DCC: variants seen among roughly 807,000 people sequenced by gnomAD.
The protein encoded by DCC is netrin receptor DCC.
Under a neutral mutation model 172.5 loss-of-function variants are expected in DCC, and 58 were observed. The ratio of observed to expected loss-of-function variants is 0.34; its 90% CI spans 0.27 to 0.42. The LOEUF (loss-of-function observed/expected upper bound fraction) is 0.42, where lower values mean the gene tolerates loss of function less well. Among genes scored for constraint, DCC ranks in the 10% least tolerant of loss-of-function variants. DCC has a pLI of 1.00. For missense variants in DCC, 1,740 were observed against 1,791.0 expected (o/e 0.97, Z 0.51); for synonymous variants, 709 against 644.5 (o/e 1.10, Z -1.52).
intron 12 of DCC, among the ~76,000 whole-genome samples, chr18:53,253,455 A>G (rs1205618704): frequency 6.6e-6 from 1 of 152,072 alleles, no homozygotes; most frequent in Non-Finnish European, 1.5e-5. Flanking sequence ...TTAGAATCAC[A>G]GCTTCAATTA....
At chr18:52,441,802 T>A (rs1987977294) in intron 1 of DCC, among the ~76,000 whole-genome samples, 1 of 152,226 alleles carries the variant, frequency 6.6e-6, no homozygotes, top group Admixed American at 6.5e-5. Context: ...TTAAATGTAT[T>A]ATTCTCACAC....
chr18:52,709,500 A>G (rs1018170918), intron 1 of DCC, among the ~76,000 whole-genome samples: 2 of 152,202 alleles, frequency 1.3e-5, no homozygotes, highest in Non-Finnish European at 2.9e-5. Flanking sequence ...CATGTCAGTC[A>G]GCAGTGACAT....
intron 1 of DCC, among the ~76,000 whole-genome samples, chr18:52,725,376 A>G (rs552910237): frequency 6.6e-6 from 1 of 152,350 alleles, no homozygotes; most frequent in South Asian, 2.1e-4. Context: ...GTTGCTCAAA[A>G]GCTTCAAGTT....
At chr18:52,543,822 C>G (rs2032534243) in intron 1 of DCC, among the ~76,000 whole-genome samples, 1 of 152,162 alleles carries the variant, frequency 6.6e-6, no homozygotes, top group Non-Finnish European at 1.5e-5. Flanking sequence ...AGCTGAGCAT[C>G]CTGTTGAGGC....
At chr18:53,465,072 A>G (rs934494558) in intron 24 of DCC, among the ~76,000 whole-genome samples, 6 of 151,884 alleles carry the variant, frequency 4.0e-5, no homozygotes, top group Admixed American at 1.3e-4. Context: ...GAAGAAGCAC[A>G]TTAGATAGTG....
At chr18:52,440,320 A>G (rs1987935053) in intron 1 of DCC, among the ~76,000 whole-genome samples, 2 of 152,088 alleles carry the variant, frequency 1.3e-5, no homozygotes, top group Non-Finnish European at 2.9e-5. Flanking sequence ...ACAAATCCAC[A>G]AGGATGGTTC....
At chr18:53,385,703 A>T (rs1335103980) in intron 15 of DCC, among the ~76,000 whole-genome samples, 1 of 152,234 alleles carries the variant, frequency 6.6e-6, no homozygotes, top group Non-Finnish European at 1.5e-5. Flanking sequence ...ACACAGATGC[A>T]GACAACAAAC....
chr18:52,957,233 C>G (rs1187746318), intron 5 of DCC, among the ~76,000 whole-genome samples: 1 of 151,986 alleles, frequency 6.6e-6, no homozygotes, highest in Non-Finnish European at 1.5e-5. Context: ...TTGGAGTTTT[C>G]TAGCCATTAG....
intron 1 of DCC, among the ~76,000 whole-genome samples, chr18:52,349,363 C>T (rs1057326621): frequency 3.9e-5 from 6 of 152,170 alleles, no homozygotes; most frequent in Admixed American, 1.3e-4. Context: ...AAACCCTCTG[C>T]ACCCAGAGTC....
At chr18:52,450,035 A>T (rs1051381754) in intron 1 of DCC, among the ~76,000 whole-genome samples, 1 of 152,232 alleles carries the variant, frequency 6.6e-6, no homozygotes, top group Non-Finnish European at 1.5e-5. Context: ...AATTTAACTG[A>T]AGGGTTAATT....
At chr18:52,746,431 C>G (rs1434290550) in intron 1 of DCC, among the ~76,000 whole-genome samples, 1 of 152,134 alleles carries the variant, frequency 6.6e-6, no homozygotes, top group Non-Finnish European at 1.5e-5. Context: ...TTTTGAGCTT[C>G]TATTGCCTTA....
intron 1 of DCC, among the ~76,000 whole-genome samples, chr18:52,490,068 G>C (rs1452636799): frequency 6.6e-6 from 1 of 152,112 alleles, no homozygotes; most frequent in Non-Finnish European, 1.5e-5. Flanking sequence ...CAGGAGAGCT[G>C]TTGGGCTCTT....
chr18:52,407,030 G>A (rs534481390), intron 1 of DCC, among the ~76,000 whole-genome samples: 99 of 152,058 alleles, frequency 6.5e-4, no homozygotes, highest in African/African-American at 2.2e-3. Context: ...CTACTAGATT[G>A]GTGAGTTTGA....
At chr18:52,365,978 T>A (rs1473534263) in intron 1 of DCC, among the ~76,000 whole-genome samples, 1 of 152,222 alleles carries the variant, frequency 6.6e-6, no homozygotes, top group Non-Finnish European at 1.5e-5. Flanking sequence ...CACCTGTGTT[T>A]AAACTTAAGG....
At chr18:52,896,606 A>G (rs2039734620) in intron 2 of DCC, among the ~76,000 whole-genome samples, 1 of 152,204 alleles carries the variant, frequency 6.6e-6, no homozygotes, top group Admixed American at 6.5e-5. Flanking sequence ...TAAAACTATT[A>G]TTTAACCTTG....
chr18:52,390,032 G>T (rs138963705), intron 1 of DCC, among the ~76,000 whole-genome samples: 1 of 152,032 alleles, frequency 6.6e-6, no homozygotes, highest in Non-Finnish European at 1.5e-5. Flanking sequence ...TAGCACTAGT[G>T]CAGGGCAAAG....
chr18:53,527,316 T>TA, intron 28 of DCC, among the ~76,000 whole-genome samples: 1 of 151,942 alleles, frequency 6.6e-6, no homozygotes, highest in South Asian at 2.1e-4. Context: ...ACTTCTTAGC[T>TA]CAAGCAGTTC....
intron 7 of DCC, among the ~76,000 whole-genome samples, chr18:53,139,216 T>A (rs1276885071): frequency 6.6e-6 from 1 of 152,162 alleles, no homozygotes; most frequent in East Asian, 1.9e-4. Flanking sequence ...TGTTTGTGAC[T>A]TTTTCCGGAC....
intron 12 of DCC, among the ~76,000 whole-genome samples, chr18:53,270,239 T>C (rs573708173): frequency 6.6e-6 from 1 of 152,272 alleles, no homozygotes; most frequent in African/African-American, 2.4e-5. Context: ...GTGCTACCCA[T>C]AAGCTCCTGG....
Sources: gnomAD v4.1 joint callset for allele counts (sites outside exome capture counted in the v4.1 genomes callset) on GRCh38, gnomAD v4.1.1 for gene constraint, MANE v1.5 for transcripts, NCBI Gene and HGNC (gene_info 2026-07-23, HGNC 2026-07-21) for gene names.